CCDC12: variants seen among roughly 807,000 people sequenced by gnomAD.
CCDC12 encodes the protein coiled-coil domain containing 12, also known as coiled-coil domain-containing protein 12.
CCDC12 carries 28 observed loss-of-function variants against 25.7 expected under a neutral mutation model. That is an observed-to-expected ratio of 1.09 (90% CI 0.81 to 1.50). CCDC12 has a LOEUF of 1.50. CCDC12 is among the 40% of genes most tolerant of loss of function. CCDC12 has a pLI of 0.00. For missense variants in CCDC12, 198 were observed against 210.0 expected (o/e 0.94, Z 0.35); for synonymous variants, 75 against 87.7 (o/e 0.86, Z 0.81).
At chr3:46,924,033 T>G (rs1170002559) in intron 3 of CCDC12, 2 of 196,952 alleles carry the variant, frequency 1.0e-5, no homozygotes, top group Non-Finnish European at 2.0e-5. Flanking sequence ...GAGGATGTCC[T>G]CTGGGTCCCG....
At position 46,976,535 on chromosome 3, in the gene CCDC12, T is replaced by C. The variant is rs1226616053; in HGVS notation, c.96+102A>G. On this transcript the variant is annotated intron_variant, in intron 1 of 6. Transcript: ENST00000683445. ...CGTTAGCGCCCGCGCATGCGCGCCC[T>C]CGGCAGCTGTCTTTCCTTATTAGCC... 1.2e-5 allele frequency: 18 copies of C among 1,464,310 alleles called. No individual in the cohort carries two copies. In the East Asian group the frequency reaches 3.5e-4, roughly 29 times the overall value. The allele number at this position is 1,464,310 out of a possible 1,614,324, so 90.7% of individuals were successfully genotyped here.
At chr3:46,964,155 AGAAGTGAGGAGCCCCTCCGCCTG>A in intron 1 of CCDC12, among the ~76,000 whole-genome samples, 1 of 138,920 alleles carries the variant, frequency 7.2e-6, no homozygotes, top group Non-Finnish European at 1.6e-5. Context: ...GCCCCGTCTG[AGAAGTGAGGAGCCCCTCCGCCTG>A]GCAGCCGCCC....
At chr3:46,976,393 G>C (rs886833764) in intron 1 of CCDC12, 2 of 1,400,208 alleles carry the variant, frequency 1.4e-6, no homozygotes, top group Non-Finnish European at 1.9e-6. Flanking sequence ...TGGACTGCGG[G>C]TCGCTGACCA....
chr3:46,940,827 A>C, intron 2 of CCDC12, 171 bp downstream of exon 2: 1 of 653,186 alleles, frequency 1.5e-6, no homozygotes, highest in South Asian at 2.0e-5. Context: ...AGGCCTCGAC[A>C]AGGGCCTTCT....
intron 2 of CCDC12, among the ~76,000 whole-genome samples, chr3:46,936,754 G>T (rs1391733648): frequency 6.6e-6 from 1 of 152,160 alleles, no homozygotes; most frequent in Non-Finnish European, 1.5e-5. Flanking sequence ...TGATGAACTA[G>T]CTACATCAAT....
intron 1 of CCDC12, among the ~76,000 whole-genome samples, chr3:46,945,776 T>G (rs1290044428): frequency 1.3e-5 from 2 of 152,264 alleles, no homozygotes; most frequent in African/African-American, 2.4e-5. Flanking sequence ...GTTATTGAAT[T>G]TACTGGCACA....
intron 1 of CCDC12, among the ~76,000 whole-genome samples, chr3:46,970,313 T>C (rs1037489452): frequency 6.6e-6 from 1 of 151,910 alleles, no homozygotes; most frequent in Non-Finnish European, 1.5e-5. Flanking sequence ...TCAGCTATCA[T>C]TAGTGTTACT....
chr3:46,959,436 C>T (rs1054868196), intron 1 of CCDC12, among the ~76,000 whole-genome samples: 1 of 152,198 alleles, frequency 6.6e-6, no homozygotes, highest in Non-Finnish European at 1.5e-5. Context: ...AGTCAGTAGG[C>T]GCCAACCACA....
Position 46,949,754 on chromosome 3 carries a change from C to G in CCDC12, c.97-8689G>C, listed in dbSNP as rs528801098. Among the ~76,000 whole-genome samples, 4 of 152,164 alleles carry G rather than the reference C, an allele frequency of 2.6e-5. No individual in the cohort carries two copies. The South Asian group carries it at 8.3e-4, about 32-fold the overall frequency. On this transcript the variant is annotated intron_variant, in intron 1 of 6. Coordinates refer to ENST00000683445, the MANE Select transcript of CCDC12 (RefSeq NM_001277074.2). ...CATGAAAAACTGCCTGCTGGCCGGGCACAGTGGCTCACGCCTGTAATCCCA... is the reference window on the plus strand; with the variant it reads ...CATGAAAAACTGCCTGCTGGCCGGGGACAGTGGCTCACGCCTGTAATCCCA...
intron 1 of CCDC12, among the ~76,000 whole-genome samples, chr3:46,967,384 C>A (rs1424927527): frequency 3.3e-5 from 5 of 152,134 alleles, no homozygotes; most frequent in African/African-American, 9.7e-5. Flanking sequence ...TCTAACTAGC[C>A]CAGCCTCCCA....
chr3:46,952,202 T>C (rs376133246), intron 1 of CCDC12, among the ~76,000 whole-genome samples: 2 of 152,016 alleles, frequency 1.3e-5, no homozygotes, highest in East Asian at 3.9e-4. Context: ...GGACCAATAG[T>C]AAAGGAACCA....
chr3:46,930,015 C>G (rs1247126094), intron 2 of CCDC12, among the ~76,000 whole-genome samples: 4 of 105,596 alleles, frequency 3.8e-5, no homozygotes, highest in Non-Finnish European at 5.2e-5. Flanking sequence ...TGGGCGAGAA[C>G]AGCAAGACCC....
chr3:46,928,512 A>C (rs2033071197), intron 2 of CCDC12, among the ~76,000 whole-genome samples: 1 of 150,074 alleles, frequency 6.7e-6, no homozygotes, highest in Non-Finnish European at 1.5e-5. Flanking sequence ...TTTTGCACCA[A>C]CCTCATATAA....
upstream of CCDC12, among the ~76,000 whole-genome samples, chr3:46,980,170 G>A (rs2035220946): frequency 6.6e-6 from 1 of 152,208 alleles, no homozygotes; most frequent in South Asian, 2.1e-4. Flanking sequence ...GCAGGACCGT[G>A]CAGCCTGAGT....
At chr3:46,934,975 ACCATCAGTGGGGC>A (rs951974511) in intron 2 of CCDC12, among the ~76,000 whole-genome samples, 1 of 152,190 alleles carries the variant, frequency 6.6e-6, no homozygotes, top group African/African-American at 2.4e-5. Context: ...GTGTGTGGAA[ACCATCAGTGGGGC>A]CCAGCACACA....
chr3:46,959,232 C>T (rs918789584), intron 1 of CCDC12, among the ~76,000 whole-genome samples: 9 of 152,162 alleles, frequency 5.9e-5, no homozygotes, highest in Non-Finnish European at 1.3e-4. Flanking sequence ...AATCCACATG[C>T]TCAGCATATG....
chr3:46,958,062 C>T (rs577691015), intron 1 of CCDC12, among the ~76,000 whole-genome samples: 3 of 150,552 alleles, frequency 2.0e-5, no homozygotes, highest in African/African-American at 2.4e-5. Flanking sequence ...AAAAGCCCAC[C>T]AAGAGTTTGG....
chr3:46,977,641 T>TGAGG (rs1486266737), upstream of CCDC12, among the ~76,000 whole-genome samples: 1 of 152,138 alleles, frequency 6.6e-6, no homozygotes, highest in Admixed American at 6.5e-5. Context: ...GCCTGCACAG[T>TGAGG]GAGGGGGACC....
intron 1 of CCDC12, among the ~76,000 whole-genome samples, chr3:46,972,313 T>A (rs1251543078): frequency 1.3e-5 from 2 of 151,858 alleles, no homozygotes; most frequent in Non-Finnish European, 2.9e-5. Flanking sequence ...CTACAAAAAA[T>A]TAATTTTTAA....
Sources: gnomAD v4.1 joint callset for allele counts (sites outside exome capture counted in the v4.1 genomes callset) on GRCh38, gnomAD v4.1.1 for gene constraint, MANE v1.5 for transcripts, NCBI Gene and HGNC (gene_info 2026-07-23, HGNC 2026-07-21) for gene names.